PDE3B: variants seen among roughly 807,000 people sequenced by gnomAD.
The protein encoded by PDE3B is cGMP-inhibited 3',5'-cyclic phosphodiesterase 3B.
In PDE3B, 66 loss-of-function variants were observed where a neutral mutation model predicts 116.8. The ratio of observed to expected loss-of-function variants is 0.56; its 90% confidence interval spans 0.46 to 0.69. The LOEUF (loss-of-function observed/expected upper bound fraction) is 0.69. PDE3B is among the 30% of genes least tolerant of loss of function. The probability of loss-of-function intolerance (pLI) is 0.00; values close to 1 mark genes in which losing one functional copy is unlikely to be tolerated. For synonymous variants in PDE3B, 595 were observed against 533.6 expected (o/e 1.12, Z -1.59); for missense variants, 1,384 against 1,368.1 (o/e 1.01, Z -0.18).
At chr11:14,800,490 A>T (rs938805638) in intron 4 of PDE3B, among the ~76,000 whole-genome samples, 1 of 151,854 alleles carries the variant, frequency 6.6e-6, no homozygotes, top group African/African-American at 2.4e-5. Context: ...CCCTCATTCT[A>T]TTCTGGCTTA....
chr11:14,892,375 T>G, the PDE3B span: 429 of 659,710 alleles, frequency 6.5e-4, no homozygotes, highest in Non-Finnish European at 8.8e-4. Flanking sequence ...CTTCTAGTTT[T>G]GCGCGGCTGA....
chr11:14,786,742 T>A, intron 3 of PDE3B, 57 bp downstream of exon 3: 1 of 1,342,742 alleles, frequency 7.4e-7, no homozygotes, highest in South Asian at 1.2e-5. Flanking sequence ...ATTTTCAAAT[T>A]AACTGCTCCT....
intron 1 of PDE3B, among the ~76,000 whole-genome samples, chr11:14,737,362 C>T (rs1856631790): frequency 6.6e-6 from 1 of 152,104 alleles, no homozygotes; most frequent in Admixed American, 6.5e-5. Flanking sequence ...CTATGCCCAG[C>T]TAATTTTTTG....
chr11:14,879,509 C>T, the PDE3B span: 6 of 1,310,456 alleles, frequency 4.6e-6, no homozygotes, highest in Non-Finnish European at 6.4e-6. Flanking sequence ...TTATTTCCCT[C>T]TGGAATAAAA....
chr11:14,788,371 T>C (rs1858276960), intron 3 of PDE3B, among the ~76,000 whole-genome samples: 1 of 151,982 alleles, frequency 6.6e-6, no homozygotes, highest in South Asian at 2.1e-4. Context: ...AAGGACTTTT[T>C]CACTGCAGGT....
At chr11:14,837,945 C>T (rs1860104737) in intron 11 of PDE3B, among the ~76,000 whole-genome samples, 1 of 151,960 alleles carries the variant, frequency 6.6e-6, no homozygotes, top group Non-Finnish European at 1.5e-5. Context: ...TCTGACTGAC[C>T]TAAAAGAAAC....
chr11:14,834,291 C>G (rs939336733), intron 10 of PDE3B, among the ~76,000 whole-genome samples: 1 of 152,080 alleles, frequency 6.6e-6, no homozygotes, highest in African/African-American at 2.4e-5. Flanking sequence ...TTATCTTATT[C>G]AATCTTTTTT....
chr11:14,778,811 G>A (rs995628435), intron 2 of PDE3B, among the ~76,000 whole-genome samples: 7 of 152,196 alleles, frequency 4.6e-5, no homozygotes, highest in African/African-American at 1.2e-4. Context: ...AAAGCTGGAC[G>A]GAGAATGACT....
chr11:14,895,708 C>T, the PDE3B span, among the ~76,000 whole-genome samples: 1 of 152,320 alleles, frequency 6.6e-6, no homozygotes, highest in South Asian at 2.1e-4. Flanking sequence ...AAGTCCTCCT[C>T]ACCCCACTGC....
At chr11:14,710,931 C>G (rs988311096) in intron 1 of PDE3B, among the ~76,000 whole-genome samples, 1 of 152,138 alleles carries the variant, frequency 6.6e-6, no homozygotes, top group South Asian at 2.1e-4. Flanking sequence ...AAGAACTTTT[C>G]TTGCTCAAAG....
At chr11:14,782,400 A>C (rs1458128668) in intron 2 of PDE3B, among the ~76,000 whole-genome samples, 4 of 152,122 alleles carry the variant, frequency 2.6e-5, no homozygotes, top group Non-Finnish European at 5.9e-5. Flanking sequence ...TGGTACTGGT[A>C]CCAAAACAGA....
chr11:14,783,164 CT>C (rs1858079467), intron 2 of PDE3B, among the ~76,000 whole-genome samples: 1 of 152,186 alleles, frequency 6.6e-6, no homozygotes, highest in African/African-American at 2.4e-5. Flanking sequence ...GTTGGTGGGA[CT>C]GTAAACTAGT....
At chr11:14,855,368 G>A (rs782121937) in intron 12 of PDE3B, among the ~76,000 whole-genome samples, 12 of 151,606 alleles carry the variant, frequency 7.9e-5, no homozygotes, top group Admixed American at 2.6e-4. Flanking sequence ...AAGAATTCCC[G>A]AGAAGATGAA....
chr11:14,794,784 C>A (rs766514871), intron 4 of PDE3B, among the ~76,000 whole-genome samples: 5 of 152,200 alleles, frequency 3.3e-5, no homozygotes, highest in Non-Finnish European at 5.9e-5. Context: ...ACAGCCCCCT[C>A]CCTGGGTTCA....
intron 1 of PDE3B, among the ~76,000 whole-genome samples, chr11:14,742,663 T>G (rs1319886227): frequency 6.6e-6 from 1 of 152,130 alleles, no homozygotes; most frequent in Non-Finnish European, 1.5e-5. Flanking sequence ...GAAGAGGCGT[T>G]GTGTTTTTTG....
chr11:14,743,395 G>A (rs1856821257), intron 1 of PDE3B, among the ~76,000 whole-genome samples: 1 of 152,150 alleles, frequency 6.6e-6, no homozygotes, highest in Non-Finnish European at 1.5e-5. Flanking sequence ...CTCAGTAATG[G>A]CAGACACCCC....
At chr11:14,761,800 G>A (rs919097088) in intron 1 of PDE3B, among the ~76,000 whole-genome samples, 2 of 152,042 alleles carry the variant, frequency 1.3e-5, no homozygotes, top group African/African-American at 4.8e-5. Context: ...AGTGTCAAAT[G>A]TATACTGCTG....
At position 14,688,185 on chromosome 11, in the gene PDE3B, CT is replaced by C. The variant is rs1450725949; in HGVS notation, c.978+43133del. Among the ~76,000 whole-genome samples, 4 of 151,148 alleles carry C rather than the reference CT, an allele frequency of 2.6e-5. No homozygotes were observed. In the East Asian group the frequency reaches 5.8e-4, roughly 22 times the overall value. The stretch of plus-strand genomic sequence containing the variant: ...CCTCTCTCTCTCTCTCCCTCTCCCC[CT>C]CTCCCTCTTCTCTCTCTCGGAGAGA... On this transcript the variant is annotated intron_variant, in intron 1 of 15. Transcript: ENST00000282096.
At chr11:14,667,698 G>A (rs1854217541) in intron 1 of PDE3B, among the ~76,000 whole-genome samples, 1 of 151,302 alleles carries the variant, frequency 6.6e-6, no homozygotes, top group Non-Finnish European at 1.5e-5. Flanking sequence ...TGGGGTTGGG[G>A]GAGGGTGGAG....
Sources: allele counts gnomAD v4.1 joint callset (sites outside exome capture counted in the v4.1 genomes callset), GRCh38; gene constraint gnomAD v4.1.1; transcripts MANE v1.5; gene names NCBI Gene and HGNC (gene_info 2026-07-23, HGNC 2026-07-21).